The following ADAM12 variants were observed in gnomAD, a reference collection of about 807,000 sequenced individuals.
ADAM12 encodes ADAM metallopeptidase domain 12.
In ADAM12, 70 loss-of-function variants were observed where a neutral mutation model predicts 106.4. That is an observed-to-expected ratio of 0.66 (90% confidence interval 0.54 to 0.80). ADAM12 has a LOEUF of 0.80. Among genes scored for constraint, ADAM12 ranks in the 30% least tolerant of loss-of-function variants. The probability of loss-of-function intolerance (pLI) is 0.00; values close to 1 mark genes in which losing one functional copy is unlikely to be tolerated. For synonymous variants in ADAM12, 420 were observed against 433.5 expected (o/e 0.97, Z 0.39); for missense variants, 1,010 against 1,171.9 (o/e 0.86, Z 2.02).
At chr10:126,240,156 C>A (rs1015805971) in intron 3 of ADAM12, among the ~76,000 whole-genome samples, 1 of 152,260 alleles carries the variant, frequency 6.6e-6, no homozygotes, top group Non-Finnish European at 1.5e-5. Flanking sequence ...AGGGCAGAGA[C>A]CTGGCTGAGC....
chr10:126,043,153 C>A lies in ADAM12; in HGVS notation c.1996-5G>T. ...GTTCTTCCTGTTGTTGCACACCTTTCAGGGCAGAGGGGAGGGACGTGGGGT... is the reference window on the plus strand; with the variant it reads ...GTTCTTCCTGTTGTTGCACACCTTTAAGGGCAGAGGGGAGGGACGTGGGGT... On this transcript the variant is annotated splice_region_variant and splice_polypyrimidine_tract_variant and intron_variant, in intron 17 of 22. Transcript: ENST00000448723. This position sits in a 1 kb window ranked among gnomAD's most constrained non-coding sequence, Gnocchi z 4.1. The A allele has an allele frequency of 1.2e-6, 2 of 1,613,838 alleles. No homozygotes were observed. The highest frequency in any genetic ancestry group is 1.7e-6 in the Non-Finnish European group (2 of 1,179,850).
At position 126,043,726 on chromosome 10, in the gene ADAM12, C is replaced by T. The variant is rs1954240241; in HGVS notation, c.1996-578G>A. On this transcript the variant is annotated intron_variant, in intron 17 of 22. Coordinates refer to ENST00000448723, the MANE Select transcript of ADAM12 (RefSeq NM_001288973.2). The surrounding 1 kb of genome is among the most constrained non-coding windows in gnomAD (Gnocchi z 4.1). The stretch of plus-strand genomic sequence containing the variant: ...AGGGTGCATGGGATTTCCACTAATA[C>T]TTCCTGAAGCCTGTCCCCGTGTGTC... 1.3e-5 allele frequency among the ~76,000 whole-genome samples: 2 copies of T among 152,246 alleles called. No homozygotes were observed. The highest frequency in any genetic ancestry group is 2.9e-5 in the Non-Finnish European group (2 of 68,044).
chr10:126,103,686 GC>G (rs946509503), intron 8 of ADAM12, among the ~76,000 whole-genome samples: 44 of 152,240 alleles, frequency 2.9e-4, no homozygotes, highest in African/African-American at 9.9e-4. Context: ...GTGACCCCAG[GC>G]CCGGAGAGAA....
chr10:126,383,893 T>C (rs1856569887), intron 1 of ADAM12, among the ~76,000 whole-genome samples: 1 of 152,226 alleles, frequency 6.6e-6, no homozygotes, highest in Non-Finnish European at 1.5e-5. Context: ...TAAAAATATT[T>C]ACTTTTCTAG....
chr10:126,288,167 G>A (rs949285290), intron 2 of ADAM12, among the ~76,000 whole-genome samples: 4 of 152,134 alleles, frequency 2.6e-5, no homozygotes, highest in Non-Finnish European at 5.9e-5. Context: ...GGAGGCCAAC[G>A]TCCTCTGTGG....
At position 126,326,432 on chromosome 10, in the gene ADAM12, T is replaced by C. The variant is rs563569477; in HGVS notation, c.186+3980A>G. 1.5e-4 allele frequency among the ~76,000 whole-genome samples: 23 copies of C among 152,252 alleles called. 1 individual carries two copies. The highest frequency in any genetic ancestry group is 8.5e-4 in the Admixed American group (13 of 15,290). On this transcript the variant is annotated intron_variant, in intron 2 of 22. Transcript: ENST00000448723. ...ATATGATGGAAGCTCCTGCCACCTA[T>C]GTAGCCAGGGCCAAAACACAGGGGT...
chr10:126,184,824 C>T (rs1023513408), intron 3 of ADAM12, among the ~76,000 whole-genome samples: 10 of 152,156 alleles, frequency 6.6e-5, no homozygotes, highest in African/African-American at 2.4e-4. Flanking sequence ...TTTCCCTCTG[C>T]AAGTGTACAA....
At chr10:126,255,022 G>A (rs1958862992) in intron 3 of ADAM12, among the ~76,000 whole-genome samples, 1 of 152,150 alleles carries the variant, frequency 6.6e-6, no homozygotes, top group South Asian at 2.1e-4. Flanking sequence ...ATTTGGACAG[G>A]GGCCACCCTC....
intron 3 of ADAM12, among the ~76,000 whole-genome samples, chr10:126,226,170 C>A (rs1958190627): frequency 8.9e-6 from 1 of 112,346 alleles, no homozygotes; most frequent in African/African-American, 3.5e-5. Flanking sequence ...TCTGCATAAT[C>A]CCTGGGGAAA....
intron 6 of ADAM12, among the ~76,000 whole-genome samples, chr10:126,113,229 T>A (rs113597086): frequency 6.6e-6 from 1 of 152,112 alleles, no homozygotes; most frequent in Non-Finnish European, 1.5e-5. Flanking sequence ...ACAGGCCGTA[T>A]GGCTGGAGTC....
At chr10:126,041,739 C>G in intron 18 of ADAM12, 1 of 1,036,188 alleles carries the variant, frequency 9.7e-7, no homozygotes, top group Non-Finnish European at 1.2e-6. Flanking sequence ...TGAGGTGTCA[C>G]TGGGGAAAGG....
intron 1 of ADAM12, among the ~76,000 whole-genome samples, chr10:126,356,129 T>C (rs1379468373): frequency 6.6e-6 from 1 of 152,196 alleles, no homozygotes. Context: ...ACCTCAAGCA[T>C]ACATTTCTAC....
chr10:126,178,966 GA>G (rs1335553931), intron 3 of ADAM12, among the ~76,000 whole-genome samples: 2 of 152,018 alleles, frequency 1.3e-5, no homozygotes, highest in African/African-American at 4.8e-5. Flanking sequence ...AGAATTGCTT[GA>G]ACCCAGGAGG....
At chr10:126,098,549 A>T in intron 9 of ADAM12, 49 bp from the exon 10 acceptor site, 2 of 1,465,770 alleles carry the variant, frequency 1.4e-6, no homozygotes, top group Non-Finnish European at 9.5e-7. Context: ...GAACGGGGGC[A>T]TTCTCTAATA....
chr10:126,229,018 C>T (rs74681225), intron 3 of ADAM12, among the ~76,000 whole-genome samples: 11,273 of 152,182 alleles, frequency 0.074, 527 homozygotes, highest in East Asian at 0.13. Context: ...TTGTGGTTCC[C>T]CTGTTTACCA....
chr10:126,163,767 T>G (rs1050353994), intron 3 of ADAM12, among the ~76,000 whole-genome samples: 1 of 152,198 alleles, frequency 6.6e-6, no homozygotes, highest in Admixed American at 6.5e-5. Context: ...CTTGTTTACT[T>G]GTCTTCCTCC....
At chr10:126,089,153 A>C (rs1215082901) in intron 11 of ADAM12, among the ~76,000 whole-genome samples, 1 of 152,190 alleles carries the variant, frequency 6.6e-6, no homozygotes, top group African/African-American at 2.4e-5. Context: ...TCCTGATTTC[A>C]GCATCCGTGT....
At chr10:126,341,347 T>C (rs1854925243) in intron 1 of ADAM12, among the ~76,000 whole-genome samples, 1 of 152,184 alleles carries the variant, frequency 6.6e-6, no homozygotes, top group Non-Finnish European at 1.5e-5. Context: ...ATTTGTGCAA[T>C]GAATTATTAT....
chr10:126,274,538 G>A (rs1210277887), intron 3 of ADAM12, among the ~76,000 whole-genome samples: 1 of 152,120 alleles, frequency 6.6e-6, no homozygotes, highest in Non-Finnish European at 1.5e-5. Flanking sequence ...TGTTAGTTTT[G>A]GCCCATTGAT....
Sources: allele counts gnomAD v4.1 joint callset (sites outside exome capture counted in the v4.1 genomes callset), GRCh38; gene constraint gnomAD v4.1.1; non-coding constraint Gnocchi (gnomAD v3.1); transcripts MANE v1.5; gene names NCBI Gene and HGNC (gene_info 2026-07-23, HGNC 2026-07-21).